TWIST2: variants seen among roughly 807,000 people sequenced by gnomAD.
The protein encoded by TWIST2 is twist-related protein 2.
TWIST2 carries 1 observed loss-of-function variant against 11.6 expected under a neutral mutation model. The ratio of observed to expected loss-of-function variants is 0.09; its 90% CI spans 0.03 to 0.41. TWIST2 has a LOEUF of 0.41. Ranked by LOEUF, TWIST2 falls within the 10% of genes least tolerant of loss-of-function variation. The pLI is 0.98. For missense variants in TWIST2, 168 were observed against 226.4 expected (o/e 0.74, Z 1.66); for synonymous variants, 87 against 96.6 (o/e 0.90, Z 0.58).
At chr2:238,884,994 T>A (rs34009194) in intron 1 of TWIST2, among the ~76,000 whole-genome samples, 82,472 of 152,112 alleles carry the variant, frequency 0.54, 22,489 homozygotes, top group Middle Eastern at 0.6. Flanking sequence ...GAAGAGAATG[T>A]CCACACGCTC....
At chr2:238,854,587 T>C (rs186395988) in intron 1 of TWIST2, among the ~76,000 whole-genome samples, 2 of 152,316 alleles carry the variant, frequency 1.3e-5, no homozygotes, top group Non-Finnish European at 2.9e-5. Flanking sequence ...AGAGATCCTT[T>C]TGCTCTCTTC....
intron 1 of TWIST2, among the ~76,000 whole-genome samples, chr2:238,849,656 G>A (rs1574743213): frequency 6.6e-6 from 1 of 152,236 alleles, no homozygotes; most frequent in Non-Finnish European, 1.5e-5. Context: ...GGCCCTGCGC[G>A]AGGAGAAGGC....
chr2:238,874,729 G>C (rs1692772268), intron 1 of TWIST2, among the ~76,000 whole-genome samples: 1 of 152,158 alleles, frequency 6.6e-6, no homozygotes, highest in Admixed American at 6.5e-5. Flanking sequence ...TCTCTGCCTT[G>C]GATGCTTACC....
chr2:238,853,472 A>AGAGAGG (rs1692280068), intron 1 of TWIST2, among the ~76,000 whole-genome samples: 1 of 151,676 alleles, frequency 6.6e-6, no homozygotes. Context: ...AGAGAGAGAG[A>AGAGAGG]GAGAGAGAAA....
intron 1 of TWIST2, among the ~76,000 whole-genome samples, chr2:238,886,045 G>A (rs1280139951): frequency 1.3e-5 from 2 of 149,910 alleles, no homozygotes; most frequent in Admixed American, 1.3e-4. Context: ...GCAGTGAGCC[G>A]AGATTGCGCC....
chr2:238,900,906 G>T (rs1190542781), intron 1 of TWIST2, among the ~76,000 whole-genome samples: 6 of 151,838 alleles, frequency 4.0e-5, no homozygotes, highest in African/African-American at 7.3e-5. Flanking sequence ...ATAACCTGAA[G>T]ATAATCCTGA....
intron 1 of TWIST2, among the ~76,000 whole-genome samples, chr2:238,853,897 T>C (rs1289823461): frequency 1.3e-5 from 2 of 152,172 alleles, no homozygotes; most frequent in African/African-American, 4.8e-5. Context: ...GATCCTGTGG[T>C]GATGAAGATG....
At position 238,906,529 on chromosome 2, in the gene TWIST2, C is replaced by T. The variant is rs2106376084; in HGVS notation, c.*36-3313C>T. ...GCTCACACACATGCATGCACACTGG[C>T]ACACACACGGGCCAACTTACACGAT... On this transcript the variant is annotated intron_variant, in intron 1 of 1. Transcript: ENST00000612363. 2.0e-5 allele frequency among the ~76,000 whole-genome samples: 3 copies of T among 152,254 alleles called. No homozygotes were observed. The South Asian group carries it at 6.2e-4, about 32-fold the overall frequency.
chr2:238,854,874 A>G (rs36130329), intron 1 of TWIST2, among the ~76,000 whole-genome samples: 38,436 of 152,010 alleles, frequency 0.25, 5,258 homozygotes, highest in South Asian at 0.42. Flanking sequence ...GAATTAGCAT[A>G]TTCTGTATGT....
rs1692474071 is a variant in TWIST2 at position 238,863,604 on chromosome 2, T to G, written c.*35+14871T>G. Among the ~76,000 whole-genome samples, 1 of 152,108 alleles carries G rather than the reference T, an allele frequency of 6.6e-6. No individual in the cohort carries two copies. The highest frequency in any genetic ancestry group is 1.5e-5 in the Non-Finnish European group (1 of 68,008). On this transcript the variant is annotated intron_variant, in intron 1 of 1. Coordinates refer to ENST00000612363, the MANE Select transcript of TWIST2 (RefSeq NM_001271893.4). The surrounding 1 kb of genome is among the most constrained non-coding windows in gnomAD (Gnocchi z 4.7). ...CTCATTTCTTCTGCCTTTTTTTCACTCCTCTCTACGTAGTTGGGGATATCT... is the reference window on the plus strand; with the variant it reads ...CTCATTTCTTCTGCCTTTTTTTCACGCCTCTCTACGTAGTTGGGGATATCT...
chr2:238,892,818 C>T (rs1693162384), intron 1 of TWIST2, among the ~76,000 whole-genome samples: 1 of 152,206 alleles, frequency 6.6e-6, no homozygotes, highest in Admixed American at 6.5e-5. Context: ...CCACAGGCCT[C>T]TACTAGCTGA....
intron 1 of TWIST2, among the ~76,000 whole-genome samples, chr2:238,902,216 TGTG>T (rs1693275822): frequency 6.7e-6 from 1 of 149,874 alleles, no homozygotes. Context: ...GTATGTGTGA[TGTG>T]GAGTATGTGT....
In TWIST2 at chr2:238,863,298, A is replaced by G. The variant is rs774656415; in HGVS notation, c.*35+14565A>G. Among the ~76,000 whole-genome samples, 4 of 152,198 alleles carry G rather than the reference A, an allele frequency of 2.6e-5. No homozygotes were observed. Among genetic ancestry groups the G allele is most frequent in the Non-Finnish European group, 5.9e-5 (4 of 68,042 alleles). The stretch of plus-strand genomic sequence containing the variant: ...TAGGACTTAGGTACTTGCTGAAGTA[A>G]TACAAAAGAGTGGCCTTCAGAATAT... On this transcript the variant is annotated intron_variant, in intron 1 of 1. Coordinates refer to ENST00000612363, the MANE Select transcript of TWIST2 (RefSeq NM_001271893.4). This position sits in a 1 kb window ranked among gnomAD's most constrained non-coding sequence, Gnocchi z 4.7.
At chr2:238,853,773 A>G (rs963139897) in intron 1 of TWIST2, among the ~76,000 whole-genome samples, 1 of 152,250 alleles carries the variant, frequency 6.6e-6, no homozygotes, top group African/African-American at 2.4e-5. Context: ...TTCCAGCATG[A>G]GGAAAATGTT....
At chr2:238,892,621 C>T (rs1693158781) in intron 1 of TWIST2, among the ~76,000 whole-genome samples, 1 of 148,162 alleles carries the variant, frequency 6.7e-6, no homozygotes, top group African/African-American at 2.5e-5. Flanking sequence ...GCTGGGACTA[C>T]AGGCGACCAC....
chr2:238,888,977 C>A (rs189875007), intron 1 of TWIST2, among the ~76,000 whole-genome samples: 3 of 152,156 alleles, frequency 2.0e-5, no homozygotes, highest in Non-Finnish European at 4.4e-5. Context: ...TTCTTTGACA[C>A]GCAAATGGTT....
chr2:238,896,380 C>A (rs1285898778), intron 1 of TWIST2, among the ~76,000 whole-genome samples: 4 of 152,204 alleles, frequency 2.6e-5, no homozygotes, highest in Non-Finnish European at 5.9e-5. Flanking sequence ...TCACAGGCTC[C>A]CTGCAGGACC....
intron 1 of TWIST2, among the ~76,000 whole-genome samples, chr2:238,903,281 CTAA>C (rs1440076224): frequency 2.6e-5 from 3 of 117,288 alleles, no homozygotes; most frequent in South Asian, 5.9e-4. Flanking sequence ...TGGGGTGTGT[CTAA>C]TGTGAGGTGT....
At chr2:238,907,018 G>A (rs1027080591) in intron 1 of TWIST2, among the ~76,000 whole-genome samples, 3 of 152,230 alleles carry the variant, frequency 2.0e-5, no homozygotes, top group Non-Finnish European at 4.4e-5. Context: ...GCCAGGCCCT[G>A]TGGTGAGCAG....
Sources: allele counts gnomAD v4.1 joint callset (sites outside exome capture counted in the v4.1 genomes callset), GRCh38; gene constraint gnomAD v4.1.1; non-coding constraint Gnocchi (gnomAD v3.1); transcripts MANE v1.5; gene names NCBI Gene and HGNC (gene_info 2026-07-23, HGNC 2026-07-21).